Variants in STAMBPL1 observed in about 807,000 individuals in gnomAD.
The protein encoded by STAMBPL1 is AMSH-like protease.
A neutral mutation model predicts 52.9 loss-of-function variants in STAMBPL1; 44 were observed. The ratio of observed to expected loss-of-function variants is 0.83; its 90% confidence interval spans 0.65 to 1.07. The LOEUF is 1.07. Among genes scored for constraint, STAMBPL1 ranks in the 50% least tolerant of loss-of-function variants. The pLI is 0.00. For missense variants in STAMBPL1, 511 were observed against 520.8 expected (o/e 0.98, Z 0.18); for synonymous variants, 164 against 177.3 (o/e 0.92, Z 0.60).
intron 4 of STAMBPL1, among the ~76,000 whole-genome samples, chr10:88,909,126 C>G (rs550387937): frequency 1.3e-5 from 2 of 152,188 alleles, no homozygotes; most frequent in Admixed American, 1.3e-4. Context: ...TTTATACAGC[C>G]CTGAACTCAA....
chr10:88,888,889 T>A (rs1038265610), intron 1 of STAMBPL1, among the ~76,000 whole-genome samples: 52 of 152,178 alleles, frequency 3.4e-4, no homozygotes, highest in Non-Finnish European at 6.8e-4. Context: ...CAGCAATGAA[T>A]AAATAAAAAG....
intron 8 of STAMBPL1, among the ~76,000 whole-genome samples, chr10:88,917,865 G>T (rs968120090): frequency 1.3e-5 from 2 of 152,114 alleles, no homozygotes; most frequent in Non-Finnish European, 2.9e-5. Context: ...TTGATGTCTA[G>T]TGAGGGCTGC....
chr10:88,899,749 A>C (rs1844898302), intron 1 of STAMBPL1, among the ~76,000 whole-genome samples: 1 of 152,120 alleles, frequency 6.6e-6, no homozygotes, highest in Admixed American at 6.5e-5. Flanking sequence ...ACCTCAGGTG[A>C]TCCGCCTGCC....
intron 8 of STAMBPL1, among the ~76,000 whole-genome samples, chr10:88,918,318 C>G (rs1222827524): frequency 6.6e-6 from 1 of 150,922 alleles, no homozygotes; most frequent in East Asian, 2.0e-4. Flanking sequence ...CACACACACA[C>G]ACACACATTT....
At chr10:88,887,162 C>T (rs2133120624) in intron 1 of STAMBPL1, among the ~76,000 whole-genome samples, 1 of 152,194 alleles carries the variant, frequency 6.6e-6, no homozygotes, top group South Asian at 2.1e-4. Context: ...CTGAAATATG[C>T]CCTTCCTATG....
At chr10:88,899,768 C>T (rs1232358091) in intron 1 of STAMBPL1, among the ~76,000 whole-genome samples, 2 of 152,170 alleles carry the variant, frequency 1.3e-5, no homozygotes, top group African/African-American at 4.8e-5. Flanking sequence ...CCTCGGCCTC[C>T]CAAAGTGCTG....
intron 1 of STAMBPL1, 34 bp from the exon 2 acceptor site, chr10:88,901,622 A>G (rs2133164108): frequency 6.9e-7 from 1 of 1,454,506 alleles, no homozygotes; most frequent in East Asian, 2.4e-5. Flanking sequence ...GTCTCAAAAA[A>G]TAACTTTAGT....
chr10:88,881,967 T>C (rs977247398), intron 1 of STAMBPL1: 4 of 152,214 alleles, frequency 2.6e-5, no homozygotes, highest in Non-Finnish European at 5.9e-5. Flanking sequence ...CATAAAATGT[T>C]ATTGGAATCT....
intron 8 of STAMBPL1, 100 bp from the exon 9 acceptor site, chr10:88,921,183 A>G (rs1845500775): frequency 1.2e-6 from 1 of 838,512 alleles, no homozygotes; most frequent in Non-Finnish European, 1.8e-6. Flanking sequence ...TTGATTAATG[A>G]TGGTAAAAAC....
In STAMBPL1 at chr10:88,890,319, G is replaced by A. The variant is rs1380294157; in HGVS notation, c.-54+9681G>A. Among the ~76,000 whole-genome samples the A allele has an allele frequency of 3.9e-5, 6 of 152,164 alleles. No individual in the cohort carries two copies. The South Asian group carries it at 1.2e-3, about 32-fold the overall frequency. On this transcript the variant is annotated intron_variant, in intron 1 of 10. Transcript: ENST00000371926. ...CAAAGGAATGGCAATATCTGAATCA[G>A]GTTTTTAAAAGATCACTACAGGTAG...
At chr10:88,887,181 C>T (rs1174382007) in intron 1 of STAMBPL1, among the ~76,000 whole-genome samples, 1 of 152,094 alleles carries the variant, frequency 6.6e-6, no homozygotes, top group Non-Finnish European at 1.5e-5. Context: ...TGCTAATGTT[C>T]CTGTTAACCT....
intron 2 of STAMBPL1, among the ~76,000 whole-genome samples, chr10:88,902,858 C>T (rs1276683665): frequency 2.6e-5 from 4 of 152,152 alleles, no homozygotes; most frequent in Non-Finnish European, 5.9e-5. Context: ...TGTGAGCCAC[C>T]GCACCCGGCC....
chr10:88,906,064 T>G (rs1845065943), intron 3 of STAMBPL1, among the ~76,000 whole-genome samples: 1 of 152,124 alleles, frequency 6.6e-6, no homozygotes, highest in Non-Finnish European at 1.5e-5. Flanking sequence ...TTTAAAAAAT[T>G]TGATTTGGTG....
chr10:88,902,806 T>C (rs1254592641), intron 2 of STAMBPL1, among the ~76,000 whole-genome samples: 2 of 152,234 alleles, frequency 1.3e-5, no homozygotes, highest in Non-Finnish European at 2.9e-5. Flanking sequence ...CCTGACCTCG[T>C]GATCAGCCCA....
At chr10:88,887,199 G>T (rs998378262) in intron 1 of STAMBPL1, among the ~76,000 whole-genome samples, 2 of 152,146 alleles carry the variant, frequency 1.3e-5, no homozygotes, top group African/African-American at 2.4e-5. Context: ...CCTGGGCAAA[G>T]AAACTGCTTA....
In STAMBPL1 at chr10:88,882,092, T is replaced by C. The variant is rs538320689; in HGVS notation, c.-54+1454T>C. 6 of 152,364 alleles carry C rather than the reference T, an allele frequency of 3.9e-5. No homozygotes were observed. The East Asian group carries it at 1.2e-3, about 29-fold the overall frequency. 9.4% of individuals were successfully genotyped at this position (152,364 alleles called of 1,614,324 possible). Reference sequence around the variant, plus strand: ...TGTAATTTATGTAGCAACTGGTTCTTGGGAATTTCAAGAAGAAACTTGTTT... The same window carrying C: ...TGTAATTTATGTAGCAACTGGTTCTCGGGAATTTCAAGAAGAAACTTGTTT... On this transcript the variant is annotated intron_variant, in intron 1 of 10. Coordinates refer to ENST00000371926, the MANE Select transcript of STAMBPL1 (RefSeq NM_020799.4).
intron 1 of STAMBPL1, among the ~76,000 whole-genome samples, chr10:88,892,336 CTGTGTGTGTGCGTGTGCG>C (rs1176240284): frequency 7.2e-6 from 1 of 139,666 alleles, no homozygotes; most frequent in Admixed American, 7.6e-5. Flanking sequence ...GTGTATGTGT[CTGTGTGTGTGCGTGTGCG>C]TGTGTGTGTG....
chr10:88,916,932 T>A, intron 8 of STAMBPL1, 115 bp downstream of exon 8: 1 of 1,138,704 alleles, frequency 8.8e-7, no homozygotes, highest in Non-Finnish European at 1.2e-6. Flanking sequence ...TTTTCAAATG[T>A]AATAAAGGTT....
chr10:88,919,280 A>G (rs1001469020), intron 8 of STAMBPL1, among the ~76,000 whole-genome samples: 19 of 152,158 alleles, frequency 1.2e-4, no homozygotes, highest in Non-Finnish European at 2.5e-4. Context: ...GTGAGAATTC[A>G]ATGATATGAC....
Sources: gnomAD v4.1 joint callset for allele counts (sites outside exome capture counted in the v4.1 genomes callset) on GRCh38, gnomAD v4.1.1 for gene constraint, MANE v1.5 for transcripts, NCBI Gene and HGNC (gene_info 2026-07-23, HGNC 2026-07-21) for gene names.